ACCSL: variants seen among roughly 807,000 people sequenced by gnomAD.
ACCSL encodes probable inactive 1-aminocyclopropane-1-carboxylate synthase-like protein 2.
A neutral mutation model predicts 61.7 loss-of-function variants in ACCSL; 55 were observed. That is an observed-to-expected ratio of 0.89 (90% CI 0.72 to 1.12). The LOEUF (loss-of-function observed/expected upper bound fraction) is 1.12, where lower values mean the gene tolerates loss of function less well. Ranked by LOEUF, ACCSL falls within the 50% of genes most tolerant of loss-of-function variation. ACCSL has a pLI of 0.00. For synonymous variants in ACCSL, 258 were observed against 264.3 expected (o/e 0.98, Z 0.23); for missense variants, 632 against 698.0 (o/e 0.91, Z 1.07).
the ACCSL span, among the ~76,000 whole-genome samples, chr11:43,942,059 T>C: frequency 6.6e-6 from 1 of 150,486 alleles, no homozygotes; most frequent in Admixed American, 6.6e-5. Flanking sequence ...TGTGTGTGTG[T>C]GTGTGTGTGT....
At chr11:44,024,082 A>C in the ACCSL span, among the ~76,000 whole-genome samples, 4 of 152,190 alleles carry the variant, frequency 2.6e-5, no homozygotes, top group African/African-American at 9.6e-5. Context: ...TTAGCATTTG[A>C]ATCAGTGGAC....
the ACCSL span, among the ~76,000 whole-genome samples, chr11:43,945,836 G>A: frequency 6.6e-6 from 1 of 152,204 alleles, no homozygotes; most frequent in Non-Finnish European, 1.5e-5. Flanking sequence ...GTGACAGAGT[G>A]AGACCCTGTC....
the ACCSL span, among the ~76,000 whole-genome samples, chr11:43,990,670 C>T: frequency 2.0e-5 from 3 of 152,208 alleles, no homozygotes; most frequent in Non-Finnish European, 4.4e-5. Context: ...ATTCCACCCA[C>T]TCCAATTCTT....
At chr11:43,929,819 T>C in the ACCSL span, among the ~76,000 whole-genome samples, 239 of 152,304 alleles carry the variant, frequency 1.6e-3, no homozygotes, top group African/African-American at 5.3e-3. Context: ...GTGCTGGGAT[T>C]ACAGGTGTGA....
At chr11:44,051,595 C>T (rs1952639503) in intron 4 of ACCSL, 58 bp from the exon 5 acceptor site, 1 of 1,604,570 alleles carries the variant, frequency 6.2e-7, no homozygotes, top group Non-Finnish European at 8.5e-7. Context: ...GAAAGCATGG[C>T]TACCCCTTCT....
chr11:44,019,297 C>A, the ACCSL span, among the ~76,000 whole-genome samples: 1 of 152,190 alleles, frequency 6.6e-6, no homozygotes, highest in Non-Finnish European at 1.5e-5. Flanking sequence ...ATATACCTAG[C>A]AGTGGAATTG....
chr11:43,999,347 C>G, the ACCSL span, among the ~76,000 whole-genome samples: 4 of 152,188 alleles, frequency 2.6e-5, no homozygotes, highest in Non-Finnish European at 5.9e-5. Flanking sequence ...ACAGGCACAG[C>G]TTAGCTGGGT....
At chr11:43,944,122 C>G in the ACCSL span, 1 of 330,466 alleles carries the variant, frequency 3.0e-6, no homozygotes, top group African/African-American at 2.2e-5. Flanking sequence ...TCCCCATCGC[C>G]GGCATCCGGG....
the ACCSL span, among the ~76,000 whole-genome samples, chr11:43,958,140 C>T: frequency 6.6e-6 from 1 of 152,164 alleles, no homozygotes; most frequent in Non-Finnish European, 1.5e-5. Context: ...CACCAGCCAC[C>T]AGGTCAAGAT....
the ACCSL span, among the ~76,000 whole-genome samples, chr11:43,997,531 T>C: frequency 1.3e-5 from 2 of 152,188 alleles, no homozygotes; most frequent in African/African-American, 4.8e-5. Context: ...TCTCCTACTC[T>C]CCCCATTCTC....
At chr11:43,984,911 G>A in the ACCSL span, among the ~76,000 whole-genome samples, 1 of 152,366 alleles carries the variant, frequency 6.6e-6, no homozygotes, top group African/African-American at 2.4e-5. Context: ...GAGGCCACCA[G>A]AGGAGTGGCC....
At chr11:44,046,349 C>T (rs901922874), upstream of ACCSL, among the ~76,000 whole-genome samples, 3 of 152,208 alleles carry the variant, frequency 2.0e-5, no homozygotes, top group Non-Finnish European at 4.4e-5. Context: ...ATTGCTCCAT[C>T]TTCCATGGCC....
At chr11:43,968,660 C>T in the ACCSL span, among the ~76,000 whole-genome samples, 1 of 152,200 alleles carries the variant, frequency 6.6e-6, no homozygotes, top group Non-Finnish European at 1.5e-5. Flanking sequence ...AAACCACTGA[C>T]AGCCCATCTG....
chr11:43,966,233 G>A, the ACCSL span, among the ~76,000 whole-genome samples: 59 of 152,010 alleles, frequency 3.9e-4, 1 homozygote, highest in Admixed American at 1.8e-3. Context: ...CAAGACCAGC[G>A]TGGCCAACAT....
At chr11:43,979,504 G>C in the ACCSL span, among the ~76,000 whole-genome samples, 5 of 152,092 alleles carry the variant, frequency 3.3e-5, no homozygotes, top group South Asian at 1.0e-3. Flanking sequence ...ACCACCTAAG[G>C]TGTCCTTCGT....
the ACCSL span, chr11:43,943,436 C>A: frequency 7.7e-6 from 11 of 1,435,512 alleles, no homozygotes; most frequent in East Asian, 3.4e-5. This position sits in a 1 kb window ranked among gnomAD's most constrained non-coding sequence, Gnocchi z 4.8. Flanking sequence ...CCGGTCGGTG[C>A]GCCCCTCGCC....
At chr11:44,009,149 C>T in the ACCSL span, among the ~76,000 whole-genome samples, 7 of 152,166 alleles carry the variant, frequency 4.6e-5, no homozygotes, top group African/African-American at 1.7e-4. Flanking sequence ...GCCTGGGTGA[C>T]AGCGGGAGAC....
chr11:44,050,936 G>T (rs892104795), intron 3 of ACCSL, among the ~76,000 whole-genome samples: 11 of 151,508 alleles, frequency 7.3e-5, no homozygotes, highest in Admixed American at 6.6e-4. Context: ...CTGCCCCCTG[G>T]GTTCAGGCCA....
chr11:43,993,298 G>A, the ACCSL span, among the ~76,000 whole-genome samples: 4 of 152,184 alleles, frequency 2.6e-5, no homozygotes, highest in East Asian at 7.8e-4. Context: ...CCATGGGGTC[G>A]GGGTGCTAGG....
Sources: allele counts gnomAD v4.1 joint callset (sites outside exome capture counted in the v4.1 genomes callset), GRCh38; gene constraint gnomAD v4.1.1; non-coding constraint Gnocchi (gnomAD v3.1); transcripts MANE v1.5; gene names NCBI Gene and HGNC (gene_info 2026-07-23, HGNC 2026-07-21).